Variants in ICMT observed in about 807,000 individuals in gnomAD.
ICMT encodes protein-S-isoprenylcysteine O-methyltransferase.
In ICMT, 10 loss-of-function variants were observed where a neutral mutation model predicts 32.2. The observed-to-expected ratio is 0.31, with a 90% CI of 0.19 to 0.53. The LOEUF (loss-of-function observed/expected upper bound fraction) is 0.53, where lower values mean the gene tolerates loss of function less well. ICMT is among the 20% of genes least tolerant of loss of function. ICMT has a pLI of 0.96. For synonymous variants in ICMT, 183 were observed against 158.2 expected (o/e 1.16, Z -1.18); for missense variants, 265 against 356.9 (o/e 0.74, Z 2.07).
intron 4 of ICMT, among the ~76,000 whole-genome samples, chr1:6,227,941 G>A (rs1668669406): frequency 6.6e-6 from 1 of 152,004 alleles, no homozygotes; most frequent in Non-Finnish European, 1.5e-5. Flanking sequence ...GCTGCAGTGA[G>A]AGGACTGCTT....
At chr1:6,229,823 C>CAT (rs111728715) in intron 4 of ICMT, among the ~76,000 whole-genome samples, 5,751 of 137,330 alleles carry the variant, frequency 0.042, 166 homozygotes, top group African/African-American at 0.08. Flanking sequence ...CACACACACA[C>CAT]ATAGAGCAGG....
chr1:6,235,666 G>A, intron 1 of ICMT, 51 bp downstream of exon 1: 1 of 1,112,464 alleles, frequency 9.0e-7, no homozygotes, highest in Non-Finnish European at 1.1e-6. Flanking sequence ...GCCGCGCCAA[G>A]CGGACCGCCG....
intron 3 of ICMT, 73 bp downstream of exon 3, chr1:6,233,401 T>A: frequency 7.2e-7 from 1 of 1,382,712 alleles, no homozygotes; most frequent in South Asian, 1.4e-5. Context: ...GAAAGGTGAA[T>A]CAATGTCACT....
chr1:6,234,167 G>A (rs1394240988), intron 2 of ICMT, among the ~76,000 whole-genome samples: 4 of 152,268 alleles, frequency 2.6e-5, no homozygotes, highest in East Asian at 1.9e-4. Flanking sequence ...GAGCCACCGC[G>A]CCCGGCAAGG....
chr1:6,232,409 T>C (rs1354369232), intron 3 of ICMT, among the ~76,000 whole-genome samples: 1 of 152,230 alleles, frequency 6.6e-6, no homozygotes, highest in African/African-American at 2.4e-5. Context: ...CCCGGCCACA[T>C]GCTCAGTCCT....
intron 2 of ICMT, 95 bp from the exon 3 acceptor site, chr1:6,233,738 G>A (rs1668772669): frequency 2.0e-6 from 2 of 991,794 alleles, no homozygotes; most frequent in South Asian, 3.2e-5. Flanking sequence ...CTAAGTCTAT[G>A]AGGCCCTGTT....
rs1179259639 is a variant in ICMT, at chr1:6,222,427, TAAGAA to T, written c.*2648_*2652del. The T allele has an allele frequency of 6.6e-6, 1 of 152,096 alleles. No homozygotes were observed. The highest frequency in any genetic ancestry group is 1.5e-5 in the Non-Finnish European group (1 of 68,008). The allele number at this position is 152,096 out of a possible 1,614,324, so 9.4% of individuals were successfully genotyped here. On this transcript the variant is annotated 3_prime_UTR_variant, in exon 5 of 5. Transcript: ENST00000343813. ...CCTGGGCCACAGAGCAAGACTGTCT[TAAGAA>T]AATAAAAAAAATGGAGTTCATCTTT...
At chr1:6,232,861 C>CT (rs59948131) in intron 3 of ICMT, among the ~76,000 whole-genome samples, 5,003 of 140,284 alleles carry the variant, frequency 0.036, 74 homozygotes, top group Middle Eastern at 0.053. Flanking sequence ...TTAGTAAACT[C>CT]TTTTTTTTTT....
Position 6,235,712 on chromosome 1 carries a change from T to C in ICMT, c.195+5A>G, listed in dbSNP as rs1022818902. 1.4e-5 allele frequency: 17 copies of C among 1,250,864 alleles called. No homozygotes were observed. Among genetic ancestry groups the C allele is most frequent in the African/African-American group, 8.0e-5 (5 of 62,822 alleles). 77.5% of individuals were successfully genotyped at this position (1,250,864 alleles called of 1,614,324 possible). On this transcript the variant is annotated splice_donor_5th_base_variant and intron_variant, in intron 1 of 4. Coordinates refer to ENST00000343813, the MANE Select transcript of ICMT (RefSeq NM_012405.4). ...CGGCCCCCGCCGGCCCCCGCCGGCCTGCACCTGGTAGCGAGGCGGCCGATA... is the reference window on the plus strand; with the variant it reads ...CGGCCCCCGCCGGCCCCCGCCGGCCCGCACCTGGTAGCGAGGCGGCCGATA...
In ICMT at chr1:6,224,148, A is replaced by G. The variant is rs548153606; in HGVS notation, c.*932T>C. 6.6e-6 allele frequency: 1 copy of G among 152,262 alleles called. No individual in the cohort carries two copies. Among genetic ancestry groups the G allele is most frequent in the Non-Finnish European group, 1.5e-5 (1 of 68,048 alleles). 9.4% of individuals were successfully genotyped at this position (152,262 alleles called of 1,614,324 possible). On this transcript the variant is annotated 3_prime_UTR_variant, in exon 5 of 5. Coordinates refer to ENST00000343813, the MANE Select transcript of ICMT (RefSeq NM_012405.4). ...AGAAAACAAGAGTTCTGAGACTGGC[A>G]TTGAAATTGAGAATATAAGCTATGG... is the stretch of plus-strand genomic sequence containing the variant.
chr1:6,224,833 T>G lies in ICMT; in HGVS notation c.*247A>C. On this transcript the variant is annotated 3_prime_UTR_variant, in exon 5 of 5. Transcript: ENST00000343813. ...TAACTCTGGAGGGCGCTGTGGAATA[T>G]TGCTGTGATTTGCCCCTTACTCGTC... 2.2e-6 allele frequency: 1 copy of G among 464,832 alleles called. No individual in the cohort carries two copies. Among genetic ancestry groups the G allele is most frequent in the Non-Finnish European group, 3.8e-6 (1 of 261,886 alleles). The allele number at this position is 464,832 out of a possible 1,614,324, so 28.8% of individuals were successfully genotyped here.
At chr1:6,233,674 G>A (rs1557603485) in intron 2 of ICMT, 31 bp from the exon 3 acceptor site, 2 of 1,589,512 alleles carry the variant, frequency 1.3e-6, no homozygotes, top group Non-Finnish European at 1.7e-6. Flanking sequence ...AGTTAAGTTG[G>A]GACAAGAGAA....
At position 6,223,874 on chromosome 1, in the gene ICMT, G is replaced by A. The variant is rs1409674990; in HGVS notation, c.*1206C>T. On this transcript the variant is annotated 3_prime_UTR_variant, in exon 5 of 5. Transcript: ENST00000343813. ...TGGCAGGATCTCACGCTGAGGCCAA[G>A]TTCCTGTCTAGTCCAGAATGAAGCC... is the stretch of plus-strand genomic sequence containing the variant. The A allele has an allele frequency of 6.6e-6, 1 of 152,236 alleles. No individual in the cohort carries two copies. Among genetic ancestry groups the A allele is most frequent in the Non-Finnish European group, 1.5e-5 (1 of 68,052 alleles). 9.4% of individuals were successfully genotyped at this position (152,236 alleles called of 1,614,324 possible). A position where few individuals can be genotyped will look rare whatever the true frequency, so the allele number is the denominator to read the frequency against.
intron 4 of ICMT, 27 bp downstream of exon 4, chr1:6,231,875 A>G: frequency 7.3e-7 from 1 of 1,376,462 alleles, no homozygotes; most frequent in African/African-American, 1.5e-5. Flanking sequence ...AAAAAAAAGA[A>G]AAGCAGTGTC....
At chr1:6,230,007 ATAAG>A (rs896505070) in intron 4 of ICMT, among the ~76,000 whole-genome samples, 3 of 151,698 alleles carry the variant, frequency 2.0e-5, no homozygotes, top group South Asian at 2.1e-4. Context: ...AGCTGGAATT[ATAAG>A]TAAGAACCAC....
chr1:6,235,949 T>C lies in ICMT; in HGVS notation c.-38A>G, dbSNP rs1668822818. ...CGGACTAGCGGGCGGCGGCGCCGGC[T>C]GTAGCCCGGAGAAACGCGCCGGCTG... On this transcript the variant is annotated 5_prime_UTR_variant, in exon 1 of 5. Coordinates refer to ENST00000343813, the MANE Select transcript of ICMT (RefSeq NM_012405.4). 1.9e-5 allele frequency: 20 copies of C among 1,062,880 alleles called. No individual in the cohort carries two copies. Among genetic ancestry groups the C allele is most frequent in the Admixed American group, 5.1e-5 (1 of 19,486 alleles). 65.8% of individuals were successfully genotyped at this position (1,062,880 alleles called of 1,614,324 possible). A position where few individuals can be genotyped will look rare whatever the true frequency, so the allele number is the denominator to read the frequency against.
At position 6,225,186 on chromosome 1, in the gene ICMT, T is replaced by A; in HGVS notation, c.749A>T (p.Glu250Val). The A allele has an allele frequency of 1.9e-6, 3 of 1,614,160 alleles. No homozygotes were observed. Among genetic ancestry groups the A allele is most frequent in the Non-Finnish European group, 2.5e-6 (3 of 1,180,030 alleles). The change falls in exon 5 of 5, where the codon GAA becomes GTA. Residue 250 changes from glutamate (E) to valine (V), a missense_variant. By Grantham distance (121) the Glu-to-Val change is moderately radical. Coordinates refer to ENST00000343813, the MANE Select transcript of ICMT (RefSeq NM_012405.4). The part of the protein sequence containing the change: ...VWRFFRDRTE[E>V]EEISLIHFFG... Reference sequence around the variant, plus strand: ...AAAGTGAATTAGTGAGATTTCTTCTTCTTCTGTTCGATCGCGGAAGAATCG... The same window carrying A: ...AAAGTGAATTAGTGAGATTTCTTCTACTTCTGTTCGATCGCGGAAGAATCG...
chr1:6,227,152 C>T (rs1668657180), intron 4 of ICMT, among the ~76,000 whole-genome samples: 1 of 152,202 alleles, frequency 6.6e-6, no homozygotes, highest in Non-Finnish European at 1.5e-5. Flanking sequence ...TCCTTTCATA[C>T]ACACACAAGT....
At chr1:6,235,212 C>T (rs1272166669) in intron 1 of ICMT, among the ~76,000 whole-genome samples, 1 of 152,238 alleles carries the variant, frequency 6.6e-6, no homozygotes, top group Non-Finnish European at 1.5e-5. Context: ...CAGGGGATAA[C>T]AGTACCTACC....
Sources: allele counts gnomAD v4.1 joint callset (sites outside exome capture counted in the v4.1 genomes callset), GRCh38; gene constraint gnomAD v4.1.1; transcripts MANE v1.5; gene names NCBI Gene and HGNC (gene_info 2026-07-23, HGNC 2026-07-21).